The following AOPEP variants were observed in gnomAD, a reference collection of about 807,000 sequenced individuals.
AOPEP encodes aminopeptidase O.
A neutral mutation model predicts 98.1 loss-of-function variants in AOPEP; 77 were observed. The ratio of observed to expected loss-of-function variants is 0.78; its 90% confidence interval spans 0.65 to 0.95. The LOEUF is 0.95. AOPEP is among the 40% of genes least tolerant of loss of function. The pLI is 0.00. For missense variants in AOPEP, 1,024 were observed against 1,024.7 expected, an observed-to-expected ratio of 1.00 and a Z score of 0.01; for synonymous variants, 346 against 365.3, an observed-to-expected ratio of 0.95 and a Z score of 0.60.
chr9:95,125,178 G>A, the AOPEP span: 2 of 1,613,706 alleles, frequency 1.2e-6, no homozygotes, highest in Non-Finnish European at 1.7e-6. Context: ...GTTTCCAGGA[G>A]TGCACACCTG....
rs71496986 is a variant in AOPEP, at chr9:94,849,506, C to CT, written c.1364+48517dup. On this transcript the variant is annotated intron_variant, in intron 5 of 16. Transcript: ENST00000375315. The stretch of plus-strand genomic sequence containing the variant: ...ATTTCTTTTTTTTCTTTCTTTCTTT[C>CT]TTTTTTTTTTTTTGCAGTAATATCT... Among the ~76,000 whole-genome samples the CT allele has an allele frequency of 4.3e-4, 12 of 27,990 alleles. No homozygotes were observed. The South Asian group carries it at 0.011, about 26-fold the overall frequency. 18.4% of individuals were successfully genotyped at this position (27,990 alleles called of 152,430 possible). A position where few individuals can be genotyped will look rare whatever the true frequency, so the allele number is the denominator to read the frequency against.
At chr9:94,999,294 A>C (rs1053066582) in intron 11 of AOPEP, among the ~76,000 whole-genome samples, 1 of 152,206 alleles carries the variant, frequency 6.6e-6, no homozygotes, top group African/African-American at 2.4e-5. Context: ...ATGGTAGAAA[A>C]AAAAGGATGG....
At chr9:94,951,316 A>G (rs574113749) in intron 7 of AOPEP, among the ~76,000 whole-genome samples, 6 of 152,200 alleles carry the variant, frequency 3.9e-5, no homozygotes, top group East Asian at 1.9e-4. Context: ...AAGGTTCTCC[A>G]CTTAGTACTT....
At chr9:94,790,531 G>A (rs1326353917) in intron 3 of AOPEP, among the ~76,000 whole-genome samples, 4 of 152,142 alleles carry the variant, frequency 2.6e-5, no homozygotes, top group African/African-American at 9.7e-5. Context: ...GCAGGGTGCA[G>A]CTTCCAGGCA....
intron 10 of AOPEP, among the ~76,000 whole-genome samples, chr9:94,974,396 C>G (rs2059711106): frequency 6.6e-6 from 1 of 152,196 alleles, no homozygotes; most frequent in African/African-American, 2.4e-5. Flanking sequence ...TGCTAAGAAG[C>G]CACACAACAG....
At chr9:94,769,057 TGG>T (rs1840273158) in intron 2 of AOPEP, among the ~76,000 whole-genome samples, 1 of 152,054 alleles carries the variant, frequency 6.6e-6, no homozygotes, top group Non-Finnish European at 1.5e-5. Flanking sequence ...AGCAGGGAAT[TGG>T]CCCTCCATAT....
At chr9:94,850,255 A>T (rs1177145861) in intron 5 of AOPEP, among the ~76,000 whole-genome samples, 1 of 5,582 alleles carries the variant, frequency 1.8e-4, no homozygotes, top group Non-Finnish European at 2.8e-4. Flanking sequence ...AAGAAGACAT[A>T]GATTTTAAAT....
intron 13 of AOPEP, among the ~76,000 whole-genome samples, chr9:95,049,590 A>C (rs2066158139): frequency 1.3e-5 from 2 of 152,368 alleles, no homozygotes; most frequent in South Asian, 4.1e-4. Context: ...ACATTTTAAC[A>C]TCAAAGTAAA....
chr9:95,121,189 A>C, the AOPEP span, among the ~76,000 whole-genome samples: 1 of 152,240 alleles, frequency 6.6e-6, no homozygotes, highest in Non-Finnish European at 1.5e-5. Flanking sequence ...TCATGGCTGC[A>C]ACCAGAAACT....
At chr9:95,126,636 A>C in the AOPEP span, 1 of 1,573,158 alleles carries the variant, frequency 6.4e-7, no homozygotes, top group South Asian at 1.1e-5. Context: ...TTTCTCAGAA[A>C]CTTGCTATTA....
chr9:95,036,855 A>G (rs1394077217), intron 13 of AOPEP, among the ~76,000 whole-genome samples: 1 of 152,116 alleles, frequency 6.6e-6, no homozygotes, highest in Non-Finnish European at 1.5e-5. Flanking sequence ...TCATCTTGTC[A>G]GTCTTCCAGC....
At chr9:94,729,715 A>G (rs1304214166) in intron 1 of AOPEP, among the ~76,000 whole-genome samples, 2 of 152,140 alleles carry the variant, frequency 1.3e-5, no homozygotes, top group African/African-American at 4.8e-5. Flanking sequence ...TGCCTATTAG[A>G]TGCCTGTAGC....
At chr9:94,887,171 C>A (rs576221963) in intron 5 of AOPEP, among the ~76,000 whole-genome samples, 7 of 151,872 alleles carry the variant, frequency 4.6e-5, no homozygotes, top group African/African-American at 1.7e-4. Flanking sequence ...TGAGACCCCC[C>A]CCGTCTCTAC....
the AOPEP span, chr9:95,126,664 T>C: frequency 1.4e-6 from 2 of 1,385,664 alleles, no homozygotes; most frequent in African/African-American, 1.4e-5. Flanking sequence ...AAGGAGTTAC[T>C]GGGAACTGCT....
intron 7 of AOPEP, among the ~76,000 whole-genome samples, chr9:94,949,577 G>T (rs984013563): frequency 1.3e-5 from 2 of 152,260 alleles, no homozygotes; most frequent in East Asian, 3.9e-4. Flanking sequence ...GTCCCAGTGG[G>T]GAAGCCCTTC....
chr9:94,931,922 C>T, intron 7 of AOPEP: 1 of 1,140,048 alleles, frequency 8.8e-7, no homozygotes, highest in Non-Finnish European at 1.2e-6. Context: ...ACAGTCTCCA[C>T]TTCAATAGCC....
chr9:94,763,965 C>T (rs1020348894), intron 2 of AOPEP, among the ~76,000 whole-genome samples: 2 of 152,148 alleles, frequency 1.3e-5, no homozygotes, highest in Admixed American at 1.3e-4. Context: ...GGAGGTGGGG[C>T]ATAACTCCTC....
intron 1 of AOPEP, among the ~76,000 whole-genome samples, chr9:94,751,796 G>A (rs1224680978): frequency 1.3e-5 from 2 of 149,508 alleles, no homozygotes; most frequent in Non-Finnish European, 1.5e-5. Flanking sequence ...GGGTCCATGT[G>A]CAGGTTTGTT....
At chr9:94,990,499 A>T (rs2060825165) in intron 11 of AOPEP, among the ~76,000 whole-genome samples, 1 of 152,194 alleles carries the variant, frequency 6.6e-6, no homozygotes, top group Non-Finnish European at 1.5e-5. Context: ...TAAACCTTGT[A>T]TCAATAGAAA....
Sources: gnomAD v4.1 joint callset for allele counts (sites outside exome capture counted in the v4.1 genomes callset) on GRCh38, gnomAD v4.1.1 for gene constraint, MANE v1.5 for transcripts, NCBI Gene and HGNC (gene_info 2026-07-23, HGNC 2026-07-21) for gene names.